SYNE1: variants seen among roughly 807,000 people sequenced by gnomAD.
SYNE1 encodes spectrin repeat containing nuclear envelope protein 1, also known as nesprin-1.
Under a neutral mutation model 1,111.0 loss-of-function variants are expected in SYNE1, and 616 were observed. The observed-to-expected ratio is 0.55, with a 90% CI of 0.52 to 0.59. SYNE1 has a LOEUF of 0.59. SYNE1 is among the 20% of genes least tolerant of loss of function. The pLI is 0.00. For synonymous variants in SYNE1, 3,855 were observed against 3,825.8 expected (o/e 1.01, Z -0.28); for missense variants, 10,006 against 10,417.0 (o/e 0.96, Z 1.72).
Position 152,329,605 on chromosome 6 carries a change from G to A in SYNE1, c.14955+125C>T, listed in dbSNP as rs1022700551. On this transcript the variant is annotated intron_variant, in intron 78 of 145. Coordinates refer to ENST00000367255, the MANE Select transcript of SYNE1 (RefSeq NM_182961.4). ...AACCATTTAAGTCACTGCTGAAGATGCTTCTGTGTAGTATTTCGAAAGAAA... is the reference window on the plus strand; with the variant it reads ...AACCATTTAAGTCACTGCTGAAGATACTTCTGTGTAGTATTTCGAAAGAAA... 4 of 1,219,792 alleles carry A rather than the reference G, an allele frequency of 3.3e-6. No individual in the cohort carries two copies. The South Asian group carries it at 3.9e-5, about 12-fold the overall frequency. 75.6% of individuals were successfully genotyped at this position (1,219,792 alleles called of 1,614,324 possible).
At chr6:152,188,434 G>C (rs2070896495) in intron 128 of SYNE1, among the ~76,000 whole-genome samples, 1 of 151,828 alleles carries the variant, frequency 6.6e-6, no homozygotes, top group South Asian at 2.1e-4. Flanking sequence ...AAAACGTTGT[G>C]CACATAGAAG....
chr6:152,167,503 T>A (rs898066556), intron 130 of SYNE1, among the ~76,000 whole-genome samples: 2 of 152,298 alleles, frequency 1.3e-5, no homozygotes, highest in Admixed American at 6.5e-5. Context: ...CTGAAAAAAA[T>A]CATGAACTAA....
chr6:152,380,880 T>C (rs373170978), intron 56 of SYNE1, 126 bp downstream of exon 56: 22 of 908,880 alleles, frequency 2.4e-5, no homozygotes, highest in Admixed American at 9.1e-5. Flanking sequence ...TTTAATGAGA[T>C]AAATACTTCT....
chr6:152,208,062 C>T lies in SYNE1; in HGVS notation c.22734G>A (p.Trp7578Ter), dbSNP rs780634258. 1.2e-6 allele frequency: 2 copies of T among 1,614,026 alleles called. No homozygotes were observed. The highest frequency in any genetic ancestry group is 1.7e-6 in the Non-Finnish European group (2 of 1,180,026). ...TGGGGAGGTAGGACACTTCAACCAA[C>T]CATTTACGAAGCTTTTCTGCCATCT... ...YREMAEKLRK[W>*]LVEVSYLPMS... Residue 7578 changes from tryptophan (W) to a stop codon, truncating the protein, a stop_gained, in exon 125 of 146, where the codon TGG (tryptophan) becomes TGA (stop). Coordinates refer to ENST00000367255, the MANE Select transcript of SYNE1 (RefSeq NM_182961.4). LOFTEE classifies it high-confidence loss of function.
chr6:152,387,199 G>C lies in SYNE1; in HGVS notation c.8360C>G (p.Thr2787Arg), dbSNP rs142676206. The part of the protein sequence containing the change: ...QSILSEAEDH[T>R]RALHRLIAKS... ...CGCAATTAGACGGTGAAGGGCTCTC[G>C]TGTGATCTTCTGCCTCAGACAGGAT... Residue 2787 changes from threonine to arginine, a missense_variant, in exon 54 of 146, where the codon ACG becomes AGG. By Grantham distance (71) the Thr-to-Arg change is moderately conservative (BLOSUM62 -1). This residue lies in a region of SYNE1 where 4,955 missense variants were observed against 5,017.2 expected (regional missense o/e 0.99). Coordinates refer to ENST00000367255, the MANE Select transcript of SYNE1 (RefSeq NM_182961.4). 9.3e-6 allele frequency: 15 copies of C among 1,614,010 alleles called. No individual in the cohort carries two copies. The highest frequency in any genetic ancestry group is 1.3e-5 in the Non-Finnish European group (15 of 1,180,026).
At chr6:152,404,340 A>C (rs1592002497) in intron 45 of SYNE1, 26 bp from the exon 46 acceptor site, 1 of 1,457,066 alleles carries the variant, frequency 6.9e-7, no homozygotes, top group Non-Finnish European at 9.2e-7. Flanking sequence ...AAACATAACT[A>C]ATCAAAAACA....
chr6:152,145,386 G>T, intron 137 of SYNE1: 3 of 1,151,734 alleles, frequency 2.6e-6, no homozygotes, highest in Non-Finnish European at 2.6e-6. Context: ...GCCTTAACAT[G>T]CTAGAGCCAC....
At chr6:152,312,302 T>C (rs889512554) in intron 87 of SYNE1, among the ~76,000 whole-genome samples, 1 of 149,940 alleles carries the variant, frequency 6.7e-6, no homozygotes, top group African/African-American at 2.4e-5. Context: ...CTGCATCTCC[T>C]GGGTTCAAGC....
chr6:152,438,860 T>C (rs1045175373), intron 32 of SYNE1, among the ~76,000 whole-genome samples: 8 of 152,226 alleles, frequency 5.3e-5, no homozygotes, highest in Admixed American at 5.2e-4. Context: ...GCAGTGAGCA[T>C]AGGCAATTAG....
chr6:152,173,010 G>A (rs534327781), intron 130 of SYNE1, among the ~76,000 whole-genome samples: 6 of 152,310 alleles, frequency 3.9e-5, no homozygotes, highest in African/African-American at 1.4e-4. Context: ...TCCGTAGCTA[G>A]TGACTGCTGT....
At chr6:152,401,940 T>C (rs2097825846) in intron 46 of SYNE1, among the ~76,000 whole-genome samples, 1 of 152,204 alleles carries the variant, frequency 6.6e-6, no homozygotes, top group Non-Finnish European at 1.5e-5. Flanking sequence ...TCCTGGCCTA[T>C]TTGGTAATGA....
intron 79 of SYNE1, 29 bp downstream of exon 79, chr6:152,326,267 A>G (rs762779395): frequency 3.8e-5 from 62 of 1,613,766 alleles, no homozygotes; most frequent in Non-Finnish European, 5.1e-5. Context: ...ATTTCACTAA[A>G]ACATAAAACA....
At chr6:152,630,153 C>T (rs1338258586) in intron 2 of SYNE1, among the ~76,000 whole-genome samples, 1 of 151,750 alleles carries the variant, frequency 6.6e-6, no homozygotes, top group Non-Finnish European at 1.5e-5. Context: ...AGATGCAAAC[C>T]TTTGCACATT....
At chr6:152,190,987 G>C (rs191433504) in intron 127 of SYNE1, among the ~76,000 whole-genome samples, 9 of 152,130 alleles carry the variant, frequency 5.9e-5, no homozygotes, top group Non-Finnish European at 1.0e-4. Flanking sequence ...TATCAGGAAA[G>C]GTTGAATTTT....
chr6:152,333,210 A>T (rs2096289212), intron 77 of SYNE1, among the ~76,000 whole-genome samples: 1 of 152,130 alleles, frequency 6.6e-6, no homozygotes, highest in Admixed American at 6.6e-5. Flanking sequence ...GTGTGTTCTT[A>T]TTTTTCAAAG....
intron 45 of SYNE1, among the ~76,000 whole-genome samples, chr6:152,405,805 C>T (rs1271965188): frequency 1.3e-5 from 2 of 152,114 alleles, no homozygotes; most frequent in East Asian, 1.9e-4. Context: ...CTTCTGATTG[C>T]CCTCAGAGAT....
rs1204581284 is a variant in SYNE1, at chr6:152,269,157, T to C, written c.18703A>G (p.Lys6235Glu). 1.4e-5 allele frequency: 23 copies of C among 1,614,076 alleles called. No individual in the cohort carries two copies. Among genetic ancestry groups the C allele is most frequent in the Non-Finnish European group, 1.9e-5 (22 of 1,180,034 alleles). The stretch of plus-strand genomic sequence containing the variant: ...GAGAGAGGTAGGAAACACTTTACTT[T>C]TTGTTGCTGGAGACTGCTCTGCCGC... Reference protein sequence around the residue: ...QQRQSSLQQQKELEQELAEQK... With the variant: ...QQRQSSLQQQEELEQELAEQK... The change falls in exon 99 of 146, where the codon AAA (lysine) becomes GAA (glutamate). Residue 6235 changes from lysine to glutamate, a missense_variant and splice_region_variant. By Grantham distance (56) the Lys-to-Glu change is moderately conservative (BLOSUM62 1). Coordinates refer to ENST00000367255, the MANE Select transcript of SYNE1 (RefSeq NM_182961.4).
At chr6:152,630,901 C>CCT (rs147018319) in intron 2 of SYNE1, among the ~76,000 whole-genome samples, 8 of 151,616 alleles carry the variant, frequency 5.3e-5, no homozygotes, top group African/African-American at 1.7e-4. Context: ...CTGTGCATGC[C>CCT]CTCTCTCTCT....
intron 3 of SYNE1, among the ~76,000 whole-genome samples, chr6:152,607,667 A>G (rs2099619748): frequency 6.6e-6 from 1 of 152,178 alleles, no homozygotes; most frequent in Non-Finnish European, 1.5e-5. Flanking sequence ...ATTTGACCCA[A>G]CAATCCCATT....
Sources: gnomAD v4.1 joint callset for allele counts (sites outside exome capture counted in the v4.1 genomes callset) on GRCh38, gnomAD v4.1.1 for gene constraint, gnomAD v4.1.1 regional missense constraint, MANE v1.5 for transcripts, NCBI Gene and HGNC (gene_info 2026-07-23, HGNC 2026-07-21) for gene names.